Variants in RREB1 observed in about 807,000 individuals in gnomAD.
The protein encoded by RREB1 is ras responsive element binding protein 1, also known as ras-responsive element-binding protein 1.
RREB1 carries 27 observed loss-of-function variants against 117.8 expected under a neutral mutation model. The observed-to-expected ratio is 0.23, with a 90% CI of 0.17 to 0.32. RREB1 has a LOEUF of 0.32. RREB1 is among the 10% of genes least tolerant of loss of function. The probability of loss-of-function intolerance (pLI) is 1.00; values close to 1 mark genes in which losing one functional copy is unlikely to be tolerated. For synonymous variants in RREB1, 1,298 were observed against 1,026.7 expected, an observed-to-expected ratio of 1.26 and a Z score of -5.05; for missense variants, 2,577 against 2,378.2, an observed-to-expected ratio of 1.08 and a Z score of -1.74.
At chr6:7,188,954 G>T (rs1416728312) in intron 5 of RREB1, among the ~76,000 whole-genome samples, 2 of 152,166 alleles carry the variant, frequency 1.3e-5, no homozygotes, top group African/African-American at 4.8e-5. Context: ...AACAATGTGG[G>T]AATGGAGGAA....
At chr6:7,138,848 C>G (rs1762449358) in intron 1 of RREB1, among the ~76,000 whole-genome samples, 1 of 152,132 alleles carries the variant, frequency 6.6e-6, no homozygotes, top group South Asian at 2.1e-4. Context: ...AGGTAATCCT[C>G]CGTAATAAGA....
chr6:7,209,510 T>C (rs1239283417), intron 6 of RREB1, among the ~76,000 whole-genome samples: 8 of 152,148 alleles, frequency 5.3e-5, no homozygotes, highest in Admixed American at 5.2e-4. Context: ...TCACAAGGCT[T>C]TAGGAGGCCA....
intron 1 of RREB1, among the ~76,000 whole-genome samples, chr6:7,158,793 A>G (rs532940672): frequency 6.6e-6 from 1 of 152,314 alleles, no homozygotes; most frequent in African/African-American, 2.4e-5. Flanking sequence ...TTGAGGGCCT[A>G]AAGTAGAGTA....
chr6:7,107,818 G>GGGGGGCCGAGAC (rs1206723809), upstream of RREB1: 2 of 153,424 alleles, frequency 1.3e-5, no homozygotes, highest in Non-Finnish European at 2.9e-5. Flanking sequence ...GAAGCTGGGC[G>GGGGGGCCGAGAC]GGGGGCCGAG....
Position 7,181,205 on chromosome 6 carries a change from A to G in RREB1, c.-84A>G, listed in dbSNP as rs1764776411. On this transcript the variant is annotated 5_prime_UTR_variant, in exon 3 of 13. Transcript: ENST00000379938. ...ACTCCGTGTGAATGATAGCTACAGC[A>G]GGGGAAAGTTTCATAGTCTATCAGT... 2.5e-6 allele frequency: 1 copy of G among 398,698 alleles called. No individual in the cohort carries two copies. Among genetic ancestry groups the G allele is most frequent in the Non-Finnish European group, 4.4e-6 (1 of 226,212 alleles). The allele number at this position is 398,698 out of a possible 1,614,324, so 24.7% of individuals were successfully genotyped here.
intron 11 of RREB1, among the ~76,000 whole-genome samples, chr6:7,246,165 A>G (rs1769004545): frequency 6.6e-6 from 1 of 152,186 alleles, no homozygotes. Flanking sequence ...AGTGGAAGCC[A>G]GGGGTTCAGG....
intron 1 of RREB1, among the ~76,000 whole-genome samples, chr6:7,155,273 A>G (rs1456737701): frequency 2.0e-5 from 3 of 152,156 alleles, no homozygotes; most frequent in Non-Finnish European, 4.4e-5. Context: ...GAAGGTTTCT[A>G]TGAAGTCTTT....
chr6:7,108,380 T>C (rs546260899), intron 1 of RREB1, among the ~76,000 whole-genome samples: 1 of 151,592 alleles, frequency 6.6e-6, no homozygotes, highest in Admixed American at 6.6e-5. Context: ...CCGCCGGCTC[T>C]GCCAACCAGC....
Position 7,246,633 on chromosome 6 carries a change from G to A in RREB1, c.4183G>A (p.Gly1395Ser), listed in dbSNP as rs1554129238. 5.1e-6 allele frequency: 8 copies of A among 1,571,420 alleles called. No individual in the cohort carries two copies. In the South Asian group the frequency reaches 5.9e-5, roughly 11 times the overall value. The change falls in exon 12 of 13, where the codon GGC (glycine) becomes AGC (serine). Residue 1395 changes from glycine to serine, a missense_variant. By Grantham distance (56) the Gly-to-Ser change is moderately conservative. Transcript: ENST00000379938. Reference protein sequence around the residue: ...GESHEPEEEHGTEESTGDADG... With the variant: ...GESHEPEEEHSTEESTGDADG... ...GAGCCATGAGCCGGAGGAGGAGCAT[G>A]GCACTGAGGAGAGCACTGGGGACGC...
chr6:7,124,979 C>G (rs1761846573), intron 1 of RREB1, among the ~76,000 whole-genome samples: 1 of 152,230 alleles, frequency 6.6e-6, no homozygotes, highest in Non-Finnish European at 1.5e-5. Context: ...TGAAAACCTG[C>G]TGTGTGCAGA....
chr6:7,189,125 CT>C (rs776597339), intron 5 of RREB1, 33 bp from the exon 6 acceptor site: 1 of 1,587,630 alleles, frequency 6.3e-7, no homozygotes, highest in East Asian at 2.3e-5. Flanking sequence ...GATGCACTTT[CT>C]TAAGTGACCG....
intron 10 of RREB1, among the ~76,000 whole-genome samples, chr6:7,237,953 A>G (rs1303135114): frequency 1.3e-5 from 2 of 152,234 alleles, no homozygotes; most frequent in African/African-American, 2.4e-5. Flanking sequence ...TCAGCCTGGC[A>G]GTCCTAACCA....
At chr6:7,218,801 A>T (rs1304924083) in intron 8 of RREB1, 1 of 145,996 alleles carries the variant, frequency 6.8e-6, no homozygotes, top group Admixed American at 7.0e-5. Context: ...TTTCTATCCC[A>T]GCTCAGAATT....
At position 7,246,796 on chromosome 6, in the gene RREB1, C is replaced by T. The variant is rs992242432; in HGVS notation, c.4346C>T (p.Ala1449Val). 2.4e-5 allele frequency: 37 copies of T among 1,551,424 alleles called. No individual in the cohort carries two copies. The highest frequency in any genetic ancestry group is 3.0e-5 in the Non-Finnish European group (35 of 1,148,592). The change falls in exon 12 of 13, where the codon GCC becomes GTC. Residue 1449 changes from alanine (A) to valine (V), a missense_variant. By Grantham distance (64) the Ala-to-Val change is moderately conservative. Transcript: ENST00000379938. ...GCGGCCTCGCAGGAGCAGAAGCTCGCCTGCGACACCTGTGGGAAGAGCTTC... is the reference window on the plus strand; with the variant it reads ...GCGGCCTCGCAGGAGCAGAAGCTCGTCTGCGACACCTGTGGGAAGAGCTTC... ...GGAASQEQKL[A>V]CDTCGKSFKF...
intron 1 of RREB1, among the ~76,000 whole-genome samples, chr6:7,158,316 C>G (rs1438849011): frequency 6.6e-6 from 1 of 152,058 alleles, no homozygotes; most frequent in African/African-American, 2.4e-5. Flanking sequence ...CCTTTGTTCC[C>G]GTTTGTAGGC....
intron 1 of RREB1, among the ~76,000 whole-genome samples, chr6:7,109,689 A>G (rs557866721): frequency 2.6e-5 from 4 of 152,274 alleles, no homozygotes; most frequent in South Asian, 2.1e-4. Context: ...CTCGCTCCTT[A>G]CTGGTTAGGA....
In RREB1 at chr6:7,230,747, C is replaced by T. The variant is rs374803766; in HGVS notation, c.2648C>T (p.Ser883Leu). 3.5e-5 allele frequency: 57 copies of T among 1,608,214 alleles called. No homozygotes were observed. The highest frequency in any genetic ancestry group is 4.5e-5 in the Non-Finnish European group (53 of 1,176,666). ...ACCCAGCCTCCACCTCCCCATGTCTCGATCAAGTTGGAGCCCGCCAGTAGC... is the reference window on the plus strand; with the variant it reads ...ACCCAGCCTCCACCTCCCCATGTCTTGATCAAGTTGGAGCCCGCCAGTAGC... ...GPTQPPPPHVSIKLEPASSFA... is the reference protein window; with the variant it reads ...GPTQPPPPHVLIKLEPASSFA... The change falls in exon 10 of 13, where the codon TCG becomes TTG. Residue 883 changes from serine (S) to leucine (L), a missense_variant. Physicochemically the swap from Ser to Leu is moderately radical, Grantham distance 145. Coordinates refer to ENST00000379938, the MANE Select transcript of RREB1 (RefSeq NM_001003699.4).
intron 1 of RREB1, among the ~76,000 whole-genome samples, chr6:7,123,460 C>T (rs1761768808): frequency 6.6e-6 from 1 of 152,004 alleles, no homozygotes; most frequent in African/African-American, 2.4e-5. Context: ...CCACGCCTGG[C>T]CGAAAGTTGA....
chr6:7,160,122 A>AT (rs11415104), intron 1 of RREB1, among the ~76,000 whole-genome samples: 43,457 of 146,512 alleles, frequency 0.3, 7,878 homozygotes, highest in African/African-American at 0.53. Context: ...TCTTTTTTGC[A>AT]TTTTTTTTTT....
Sources: allele counts gnomAD v4.1 joint callset (sites outside exome capture counted in the v4.1 genomes callset), GRCh38; gene constraint gnomAD v4.1.1; transcripts MANE v1.5; gene names NCBI Gene and HGNC (gene_info 2026-07-23, HGNC 2026-07-21).